The following SLC5A1 variants were observed in gnomAD, a reference collection of about 807,000 sequenced individuals.
SLC5A1 encodes the protein solute carrier family 5 member 1.
In SLC5A1, 42 loss-of-function variants were observed where a neutral mutation model predicts 73.5. The observed-to-expected ratio is 0.57, with a 90% CI of 0.45 to 0.74. The LOEUF is 0.74. Ranked by LOEUF, SLC5A1 falls within the 30% of genes least tolerant of loss-of-function variation. The pLI, the probability that SLC5A1 is intolerant of heterozygous loss-of-function variation, is 0.00. For synonymous variants in SLC5A1, 300 were observed against 317.4 expected (o/e 0.95, Z 0.58); for missense variants, 634 against 855.4 (o/e 0.74, Z 3.23).
chr22:32,078,066 C>G (rs1022680573), intron 5 of SLC5A1, among the ~76,000 whole-genome samples: 1 of 152,124 alleles, frequency 6.6e-6, no homozygotes, highest in Non-Finnish European at 1.5e-5. Flanking sequence ...CTTCTCCCCA[C>G]CCCTACCATC....
intron 6 of SLC5A1, 27 bp downstream of exon 6, chr22:32,081,998 C>T (rs781287585): frequency 3.5e-6 from 5 of 1,436,088 alleles, no homozygotes; most frequent in Non-Finnish European, 4.9e-6. Flanking sequence ...AAACCAGCAC[C>T]TCAAACCCAG....
chr22:32,105,242 C>T (rs1039971785), intron 14 of SLC5A1, among the ~76,000 whole-genome samples: 4 of 152,080 alleles, frequency 2.6e-5, no homozygotes, highest in South Asian at 2.1e-4. Context: ...TGTCCACCCC[C>T]TCAAGCATTT....
intron 1 of SLC5A1, among the ~76,000 whole-genome samples, chr22:32,049,174 T>TATATA (rs1569298723): frequency 3.8e-3 from 27 of 7,106 alleles, no homozygotes; most frequent in African/African-American, 0.012. Context: ...TCTATATCTA[T>TATATA]ATCTATATCT....
intron 10 of SLC5A1, among the ~76,000 whole-genome samples, chr22:32,088,330 G>A (rs539036842): frequency 1.3e-5 from 2 of 148,272 alleles, no homozygotes; most frequent in African/African-American, 2.5e-5. Context: ...AGTAAATACT[G>A]CATTCCTTTT....
rs1364079071 is a variant in SLC5A1 at position 32,102,237 on chromosome 22, T to C, written c.1665T>C (p.His555=). 7.5e-6 allele frequency: 12 copies of C among 1,605,556 alleles called. No individual in the cohort carries two copies. Among genetic ancestry groups the C allele is most frequent in the Non-Finnish European group, 1.0e-5 (12 of 1,172,370 alleles). The change falls in exon 13 of 15, where the codon CAT becomes CAC. Residue 555 remains histidine, a splice_region_variant and synonymous_variant. Transcript: ENST00000266088. The part of the protein sequence containing the change: ...SLLTKPIPDV[H]LYRLCWSLRN... ...TCACCAAACCCATTCCGGATGTGCA[T>C]GTGAGTATCCATTTAGGGGATCTGT...
intron 6 of SLC5A1, 35 bp from the exon 7 acceptor site, chr22:32,083,038 CA>C: frequency 6.3e-7 from 1 of 1,593,958 alleles, no homozygotes; most frequent in East Asian, 2.2e-5. Flanking sequence ...TCACCCTCCA[CA>C]CGAGGTCAGA....
intron 1 of SLC5A1, among the ~76,000 whole-genome samples, chr22:32,046,546 G>A (rs544895889): frequency 5.3e-5 from 8 of 152,182 alleles, no homozygotes; most frequent in East Asian, 1.9e-4. Context: ...GCTCAGACGC[G>A]ATGTCCTGGA....
chr22:32,103,609 A>G (rs2094040166), intron 13 of SLC5A1, among the ~76,000 whole-genome samples: 1 of 152,260 alleles, frequency 6.6e-6, no homozygotes, highest in South Asian at 2.1e-4. Flanking sequence ...TCCAAATAGA[A>G]ACTGGTATTT....
At chr22:32,078,592 C>G (rs973262249) in intron 5 of SLC5A1, among the ~76,000 whole-genome samples, 2 of 152,094 alleles carry the variant, frequency 1.3e-5, no homozygotes, top group African/African-American at 2.4e-5. Context: ...TTTAACCCCC[C>G]ACACATACAT....
chr22:32,101,963 TAGAA>T (rs2094037159), intron 12 of SLC5A1, 55 bp from the exon 13 acceptor site: 10 of 1,349,574 alleles, frequency 7.4e-6, no homozygotes, highest in Non-Finnish European at 8.5e-6. Context: ...CAAAGAATGT[TAGAA>T]AGGCCATCTG....
At chr22:32,077,447 G>T (rs2093992897) in intron 5 of SLC5A1, among the ~76,000 whole-genome samples, 1 of 150,086 alleles carries the variant, frequency 6.7e-6, no homozygotes, top group African/African-American at 2.5e-5. Flanking sequence ...TCTTTTAAGG[G>T]CTAACATTAA....
intron 13 of SLC5A1, 71 bp from the exon 14 acceptor site, chr22:32,104,715 T>C: frequency 8.5e-7 from 1 of 1,178,674 alleles, no homozygotes; most frequent in Non-Finnish European, 1.3e-6. Flanking sequence ...GCATATCTCT[T>C]TGCCCCCCCA....
At chr22:32,066,477 T>C (rs537216757) in intron 2 of SLC5A1, among the ~76,000 whole-genome samples, 2 of 152,138 alleles carry the variant, frequency 1.3e-5, no homozygotes, top group East Asian at 3.9e-4. Flanking sequence ...TCCTTTGAAA[T>C]GATTTCTCTC....
chr22:32,086,031 C>G (rs558377361), intron 9 of SLC5A1, among the ~76,000 whole-genome samples, 189 bp from the exon 10 acceptor site: 1 of 151,792 alleles, frequency 6.6e-6, no homozygotes, highest in Non-Finnish European at 1.5e-5. Context: ...GTCCCAGCTA[C>G]TTGGGAGGCT....
chr22:32,049,861 C>A, intron 1 of SLC5A1, 82 bp from the exon 2 acceptor site: 1 of 1,048,216 alleles, frequency 9.5e-7, no homozygotes, highest in Non-Finnish European at 1.5e-6. Flanking sequence ...GAAGAAGGTG[C>A]ACGAATGGGG....
chr22:32,050,666 C>T (rs2093943962), intron 2 of SLC5A1, among the ~76,000 whole-genome samples: 1 of 152,132 alleles, frequency 6.6e-6, no homozygotes, highest in African/African-American at 2.4e-5. Flanking sequence ...AGACTCTGTT[C>T]CTGAAAACTG....
At chr22:32,105,509 G>A (rs2094044054) in intron 14 of SLC5A1, among the ~76,000 whole-genome samples, 1 of 152,028 alleles carries the variant, frequency 6.6e-6, no homozygotes, top group Non-Finnish European at 1.5e-5. Flanking sequence ...TGGTTAGCCT[G>A]GTCTCAAACT....
intron 3 of SLC5A1, among the ~76,000 whole-genome samples, chr22:32,067,510 T>C (rs1472663001): frequency 2.0e-5 from 3 of 152,064 alleles, no homozygotes; most frequent in African/African-American, 7.2e-5. Flanking sequence ...TAGCTGGGAC[T>C]ACAGGCATGT....
chr22:32,053,361 T>G (rs778091583), intron 2 of SLC5A1, among the ~76,000 whole-genome samples: 5 of 152,056 alleles, frequency 3.3e-5, no homozygotes, highest in Non-Finnish European at 7.4e-5. Flanking sequence ...TCCTCATTCT[T>G]TCCCTCCTTC....
Sources: allele counts gnomAD v4.1 joint callset (sites outside exome capture counted in the v4.1 genomes callset), GRCh38; gene constraint gnomAD v4.1.1; transcripts MANE v1.5; gene names NCBI Gene and HGNC (gene_info 2026-07-23, HGNC 2026-07-21).